Variants in TUBGCP3 observed in about 807,000 individuals in gnomAD.
TUBGCP3 encodes the protein tubulin gamma complex component 3.
TUBGCP3 carries 50 observed loss-of-function variants against 123.1 expected under a neutral mutation model. That is an observed-to-expected ratio of 0.41 (90% CI 0.32 to 0.51). TUBGCP3 has a LOEUF of 0.51. Ranked by LOEUF, TUBGCP3 falls within the 20% of genes least tolerant of loss-of-function variation. The pLI is 0.36. For missense variants in TUBGCP3, 882 were observed against 1,127.0 expected, an observed-to-expected ratio of 0.78 and a Z score of 3.11; for synonymous variants, 405 against 413.9, an observed-to-expected ratio of 0.98 and a Z score of 0.26.
At chr13:112,583,080 A>C (rs1485968201) in intron 1 of TUBGCP3, among the ~76,000 whole-genome samples, 5 of 152,228 alleles carry the variant, frequency 3.3e-5, no homozygotes, top group Non-Finnish European at 7.3e-5. Context: ...CCCGCAATTT[A>C]CTAGCTCGAT....
intron 11 of TUBGCP3, among the ~76,000 whole-genome samples, chr13:112,533,916 G>A (rs1014904121): frequency 2.7e-5 from 4 of 150,768 alleles, no homozygotes; most frequent in Admixed American, 6.7e-5. Context: ...CCCATCACCC[G>A]AGCAGTGTAC....
chr13:112,526,790 CA>C, intron 13 of TUBGCP3, 151 bp downstream of exon 13: 1 of 606,932 alleles, frequency 1.6e-6, no homozygotes, highest in South Asian at 2.2e-5. Flanking sequence ...CCATCCCCAA[CA>C]TCATTATCAT....
At chr13:112,496,308 T>C (rs2139203578) in intron 20 of TUBGCP3, among the ~76,000 whole-genome samples, 1 of 152,246 alleles carries the variant, frequency 6.6e-6, no homozygotes, top group East Asian at 1.9e-4. Context: ...GAAGGGCCCT[T>C]TGGAGTCCCC....
At position 112,489,707 on chromosome 13, in the gene TUBGCP3, C is replaced by T. The variant is rs191392319; in HGVS notation, c.2449-10G>A. The stretch of plus-strand genomic sequence containing the variant: ...TCACTCCCCACTGGCCCTGAACAAT[C>T]AAAAGTACCAAATGTCAGTAAAATC... On this transcript the variant is annotated splice_polypyrimidine_tract_variant and intron_variant, in intron 20 of 21. Coordinates refer to ENST00000261965, the MANE Select transcript of TUBGCP3 (RefSeq NM_006322.6). 1 of 1,601,694 alleles carries T rather than the reference C, an allele frequency of 6.2e-7. No homozygotes were observed. The highest frequency in any genetic ancestry group is 8.6e-7 in the Non-Finnish European group (1 of 1,168,602).
chr13:112,494,069 C>A (rs1229607141), intron 20 of TUBGCP3, among the ~76,000 whole-genome samples: 1 of 151,588 alleles, frequency 6.6e-6, no homozygotes, highest in Non-Finnish European at 1.5e-5. Flanking sequence ...CTGAGACACT[C>A]TAGCTATGGG....
chr13:112,500,256 T>A (rs1880814700), intron 19 of TUBGCP3, among the ~76,000 whole-genome samples: 2 of 152,196 alleles, frequency 1.3e-5, no homozygotes, highest in African/African-American at 4.8e-5. Context: ...ATAAGGCATC[T>A]AAGCAAACTA....
the TUBGCP3 span, among the ~76,000 whole-genome samples, chr13:112,596,800 G>A: frequency 2.0e-5 from 3 of 152,146 alleles, no homozygotes; most frequent in African/African-American, 7.2e-5. Flanking sequence ...TTGTTGTTCA[G>A]ATTGAATGAC....
chr13:112,531,314 C>T (rs969391743), intron 11 of TUBGCP3, among the ~76,000 whole-genome samples: 3 of 152,216 alleles, frequency 2.0e-5, no homozygotes, highest in African/African-American at 4.8e-5. Flanking sequence ...GAAGCATTCA[C>T]TGATCTATTT....
At chr13:112,517,831 C>A (rs1248739302) in intron 16 of TUBGCP3, among the ~76,000 whole-genome samples, 2 of 152,128 alleles carry the variant, frequency 1.3e-5, no homozygotes, top group Non-Finnish European at 2.9e-5. Context: ...GTGAAGGTTG[C>A]AGTGACCCAA....
chr13:112,578,476 A>G (rs7320222), intron 1 of TUBGCP3, among the ~76,000 whole-genome samples: 41,516 of 143,520 alleles, frequency 0.29, 6,457 homozygotes, highest in African/African-American at 0.39. Context: ...GGAGAATGGC[A>G]TGAACCCAAG....
intron 20 of TUBGCP3, among the ~76,000 whole-genome samples, chr13:112,491,374 G>T (rs937188067): frequency 6.6e-6 from 1 of 152,000 alleles, no homozygotes; most frequent in Non-Finnish European, 1.5e-5. Flanking sequence ...ACCCATTTCT[G>T]CTTGTTTGCT....
intron 19 of TUBGCP3, among the ~76,000 whole-genome samples, chr13:112,503,357 T>G (rs921091805): frequency 6.6e-6 from 1 of 152,082 alleles, no homozygotes; most frequent in Non-Finnish European, 1.5e-5. Flanking sequence ...ACCATGGTTT[T>G]TTGTTGTTGT....
chr13:112,486,601 G>A (rs113635316), intron 21 of TUBGCP3, among the ~76,000 whole-genome samples: 15 of 152,332 alleles, frequency 9.8e-5, no homozygotes, highest in African/African-American at 2.4e-4. Context: ...AGCATCAGTC[G>A]GGTCTTTGGG....
At chr13:112,571,693 C>A (rs1028744159) in intron 1 of TUBGCP3, among the ~76,000 whole-genome samples, 4 of 152,172 alleles carry the variant, frequency 2.6e-5, no homozygotes, top group African/African-American at 9.7e-5. Context: ...AATAAGATGG[C>A]ATCTTATTCC....
intron 1 of TUBGCP3, among the ~76,000 whole-genome samples, chr13:112,571,004 T>C (rs1325577293): frequency 2.0e-5 from 3 of 152,192 alleles, no homozygotes; most frequent in African/African-American, 7.2e-5. Context: ...CTCTTCAAGA[T>C]CCTCTTCTAC....
chr13:112,513,307 G>A (rs1881794440), intron 17 of TUBGCP3, among the ~76,000 whole-genome samples: 1 of 152,138 alleles, frequency 6.6e-6, no homozygotes, highest in South Asian at 2.1e-4. Context: ...CAGCTGACTG[G>A]CAAATACATA....
chr13:112,551,421 T>C (rs1879580280), intron 8 of TUBGCP3, among the ~76,000 whole-genome samples: 1 of 152,246 alleles, frequency 6.6e-6, no homozygotes, highest in Non-Finnish European at 1.5e-5. Context: ...TTGTGGGCAC[T>C]GGTAATACTG....
intron 11 of TUBGCP3, among the ~76,000 whole-genome samples, chr13:112,538,047 C>T (rs567338371): frequency 2.6e-5 from 4 of 152,258 alleles, no homozygotes; most frequent in East Asian, 1.9e-4. Flanking sequence ...GATGAGAAAT[C>T]GGCTATTCAT....
intron 20 of TUBGCP3, among the ~76,000 whole-genome samples, chr13:112,494,190 T>C (rs1196132972): frequency 6.6e-6 from 1 of 152,088 alleles, no homozygotes; most frequent in Non-Finnish European, 1.5e-5. Context: ...GCTCTAGCTA[T>C]GGGAACGAGG....
Sources: gnomAD v4.1 joint callset for allele counts (sites outside exome capture counted in the v4.1 genomes callset) on GRCh38, gnomAD v4.1.1 for gene constraint, MANE v1.5 for transcripts, NCBI Gene and HGNC (gene_info 2026-07-23, HGNC 2026-07-21) for gene names.